Variants in ZNF654 observed in about 807,000 individuals in gnomAD.
ZNF654 encodes melanoma-associated antigen.
A neutral mutation model predicts 95.3 loss-of-function variants in ZNF654; 19 were observed. The observed-to-expected ratio is 0.20, with a 90% CI of 0.14 to 0.29. The LOEUF (loss-of-function observed/expected upper bound fraction) is 0.29. ZNF654 is among the 10% of genes least tolerant of loss of function. ZNF654 has a pLI of 1.00. For missense variants in ZNF654, 1,046 were observed against 1,341.0 expected, an observed-to-expected ratio of 0.78 and a Z score of 3.44; for synonymous variants, 413 against 457.9, an observed-to-expected ratio of 0.90 and a Z score of 1.25.
intron 1 of ZNF654, among the ~76,000 whole-genome samples, chr3:88,077,549 T>A (rs1226788094): frequency 1.3e-5 from 2 of 152,016 alleles, no homozygotes; most frequent in African/African-American, 4.8e-5. Flanking sequence ...GTATGGGGAA[T>A]CATTGTTCTT....
chr3:88,132,159 G>A (rs1329230248), intron 6 of ZNF654, among the ~76,000 whole-genome samples: 1 of 152,086 alleles, frequency 6.6e-6, no homozygotes, highest in African/African-American at 2.4e-5. Flanking sequence ...CTAGTAAGTA[G>A]TGAAGCCAGG....
At chr3:88,103,135 C>G (rs1163420744) in intron 2 of ZNF654, among the ~76,000 whole-genome samples, 1 of 151,780 alleles carries the variant, frequency 6.6e-6, no homozygotes, top group African/African-American at 2.4e-5. Context: ...ATAATGAAGC[C>G]CAGCTTTCAA....
At chr3:88,094,334 T>G (rs1703929245) in intron 2 of ZNF654, among the ~76,000 whole-genome samples, 1 of 152,140 alleles carries the variant, frequency 6.6e-6, no homozygotes, top group Non-Finnish European at 1.5e-5. Flanking sequence ...GTAATTTTGG[T>G]CTTTATTGCT....
intron 2 of ZNF654, among the ~76,000 whole-genome samples, chr3:88,089,814 T>C (rs1392393664): frequency 6.6e-6 from 1 of 152,188 alleles, no homozygotes; most frequent in African/African-American, 2.4e-5. Flanking sequence ...GTTGAGAATG[T>C]CATAAGATTT....
intron 2 of ZNF654, among the ~76,000 whole-genome samples, chr3:88,103,703 G>C (rs1339287678): frequency 1.3e-5 from 2 of 150,456 alleles, no homozygotes; most frequent in African/African-American, 4.9e-5. Context: ...TTCAGAAATT[G>C]CAAGTTAAAA....
intron 1 of ZNF654, among the ~76,000 whole-genome samples, chr3:88,085,701 T>C (rs1418498283): frequency 6.6e-6 from 1 of 152,172 alleles, no homozygotes; most frequent in Non-Finnish European, 1.5e-5. Flanking sequence ...CCTGTTGACC[T>C]ACCCAGATTC....
Position 88,138,859 on chromosome 3 carries a change from C to T in ZNF654, c.1190C>T (p.Ser397Leu). The T allele has an allele frequency of 1.6e-6, 2 of 1,231,994 alleles. No homozygotes were observed. The highest frequency in any genetic ancestry group is 1.0e-6 in the Non-Finnish European group (1 of 987,934). 76.3% of individuals were successfully genotyped at this position (1,231,994 alleles called of 1,614,324 possible). ...GAGATCCTCAGGATTTGTGCACTCTCAATATTTTTTCTGGAGCGCTCCTTA... is the reference window on the plus strand; with the variant it reads ...GAGATCCTCAGGATTTGTGCACTCTTAATATTTTTTCTGGAGCGCTCCTTA... ...DLEILRICAL[S>L]IFFLERSLEA... Residue 397 changes from serine (S) to leucine (L), a missense_variant, in exon 8 of 9, where the codon TCA (serine) becomes TTA (leucine). Physicochemically the swap from Ser to Leu is moderately radical, Grantham distance 145. Around this residue, in one of 9 missense-constraint regions of ZNF654, gnomAD observed 78 missense variants for 154.2 expected, o/e 0.51. Coordinates refer to ENST00000636215, the MANE Select transcript of ZNF654 (RefSeq NM_001350134.2).
chr3:88,093,997 A>G (rs1703900662), intron 2 of ZNF654, among the ~76,000 whole-genome samples: 1 of 152,028 alleles, frequency 6.6e-6, no homozygotes, highest in East Asian at 1.9e-4. Flanking sequence ...TTTTGTATCT[A>G]TTGTCTTTAC....
chr3:88,084,758 C>T (rs979664953), intron 1 of ZNF654, among the ~76,000 whole-genome samples: 2 of 152,140 alleles, frequency 1.3e-5, no homozygotes, highest in Admixed American at 1.3e-4. Flanking sequence ...CTTTATTAAT[C>T]ATGGCACAGC....
chr3:88,070,563 GTTTTTTTTTT>G (rs67079285), intron 1 of ZNF654, among the ~76,000 whole-genome samples: 1,187 of 111,150 alleles, frequency 0.011, 18 homozygotes, highest in Non-Finnish European at 0.015. Context: ...AACACTGCCT[GTTTTTTTTTT>G]TTTTTTTTTT....
chr3:88,124,591 T>G (rs1705971939), intron 3 of ZNF654, among the ~76,000 whole-genome samples: 1 of 152,218 alleles, frequency 6.6e-6, no homozygotes, highest in African/African-American at 2.4e-5. Context: ...AGCAAAGTGT[T>G]TGTAGCCACT....
intron 2 of ZNF654, 150 bp from the exon 3 acceptor site, chr3:88,112,965 C>T (rs1159794174): frequency 5.6e-6 from 3 of 532,908 alleles, no homozygotes; most frequent in African/African-American, 2.0e-5. Context: ...TTACAGAAAA[C>T]ATAATATGAA....
At position 88,140,777 on chromosome 3, in the gene ZNF654, T is replaced by C. The variant is rs201767858; in HGVS notation, c.3108T>C (p.His1036=). 3,653 of 1,613,732 alleles carry C rather than the reference T, an allele frequency of 2.3e-3. 2 individuals carry two copies. The highest frequency in any genetic ancestry group is 2.8e-3 in the Non-Finnish European group (3,309 of 1,179,728). The part of the protein sequence containing the change: ...APSKPNLTSE[H]TSYGLILTKP... ...CCAAACCAAATCTGACAAGTGAACATACTTCATATGGCTTAATTTTAACAA... is the reference window on the plus strand; with the variant it reads ...CCAAACCAAATCTGACAAGTGAACACACTTCATATGGCTTAATTTTAACAA... Residue 1036 remains histidine (H), a synonymous_variant, in exon 8 of 9, where the codon CAT becomes CAC. Coordinates refer to ENST00000636215, the MANE Select transcript of ZNF654 (RefSeq NM_001350134.2).
At chr3:88,117,193 G>A (rs1204942125) in intron 3 of ZNF654, among the ~76,000 whole-genome samples, 3 of 152,020 alleles carry the variant, frequency 2.0e-5, no homozygotes, top group Non-Finnish European at 2.9e-5. Flanking sequence ...ATTAATGAAG[G>A]AAATAATATC....
chr3:88,106,853 G>T (rs1305119856), intron 2 of ZNF654, among the ~76,000 whole-genome samples: 3 of 152,064 alleles, frequency 2.0e-5, no homozygotes, highest in Admixed American at 1.3e-4. Context: ...ACATTTGGCT[G>T]TCCAGTATGA....
At position 88,092,488 on chromosome 3, in the gene ZNF654, A is replaced by G. The variant is rs531353854; in HGVS notation, c.332+6086A>G. 7.9e-5 allele frequency among the ~76,000 whole-genome samples: 12 copies of G among 152,292 alleles called. No individual in the cohort carries two copies. The South Asian group carries it at 1.0e-3, about 13-fold the overall frequency. The stretch of plus-strand genomic sequence containing the variant: ...TCAGCAAAAATGTGCTGGGTGAGCT[A>G]ACTTGCTGTACTCTGAAGGAATGAC... On this transcript the variant is annotated intron_variant, in intron 2 of 8. Coordinates refer to ENST00000636215, the MANE Select transcript of ZNF654 (RefSeq NM_001350134.2).
At chr3:88,095,650 C>G in intron 2 of ZNF654, 1 of 490,406 alleles carries the variant, frequency 2.0e-6, no homozygotes, top group South Asian at 1.5e-5. Context: ...GCAATATCAT[C>G]ACTCTGTTCT....
chr3:88,080,196 T>A (rs1708009008), intron 1 of ZNF654, among the ~76,000 whole-genome samples: 1 of 152,098 alleles, frequency 6.6e-6, no homozygotes, highest in African/African-American at 2.4e-5. Flanking sequence ...AACTCAGCAG[T>A]CGTTTTCAGA....
chr3:88,127,668 G>C (rs1706201200), intron 4 of ZNF654, among the ~76,000 whole-genome samples: 1 of 152,120 alleles, frequency 6.6e-6, no homozygotes, highest in African/African-American at 2.4e-5. Context: ...ATAGATTTAG[G>C]CTTCACTCGT....
Sources: gnomAD v4.1 joint callset for allele counts (sites outside exome capture counted in the v4.1 genomes callset) on GRCh38, gnomAD v4.1.1 for gene constraint, gnomAD v4.1.1 regional missense constraint, MANE v1.5 for transcripts, NCBI Gene and HGNC (gene_info 2026-07-23, HGNC 2026-07-21) for gene names.